SLC9A9: variants seen among roughly 807,000 people sequenced by gnomAD.
SLC9A9 encodes the protein sodium/hydrogen exchanger 9.
In SLC9A9, 62 loss-of-function variants were observed where a neutral mutation model predicts 77.8. That is an observed-to-expected ratio of 0.80 (90% CI 0.65 to 0.98). SLC9A9 has a LOEUF of 0.98. SLC9A9 is among the 50% of genes least tolerant of loss of function. The pLI is 0.00. For synonymous variants in SLC9A9, 320 were observed against 283.5 expected (o/e 1.13, Z -1.29); for missense variants, 775 against 774.9 (o/e 1.00, Z 0.00).
chr3:143,295,476 A>C (rs527584824), intron 14 of SLC9A9, among the ~76,000 whole-genome samples: 1 of 152,288 alleles, frequency 6.6e-6, no homozygotes, highest in African/African-American at 2.4e-5. Flanking sequence ...TCTGAACCTG[A>C]TTCCTCTTTT....
At chr3:143,513,991 C>T (rs1365903929) in intron 9 of SLC9A9, among the ~76,000 whole-genome samples, 1 of 151,936 alleles carries the variant, frequency 6.6e-6, no homozygotes, top group African/African-American at 2.4e-5. Context: ...GCTATCCCTC[C>T]CCCGTCCCCC....
At chr3:143,318,842 G>A (rs2108444211) in intron 14 of SLC9A9, among the ~76,000 whole-genome samples, 1 of 152,296 alleles carries the variant, frequency 6.6e-6, no homozygotes, top group African/African-American at 2.4e-5. Flanking sequence ...GATGAGAGAT[G>A]CTAAAATTAA....
Position 143,617,152 on chromosome 3 carries a change from G to C in SLC9A9, c.755+35103C>G, listed in dbSNP as rs372211579. ...GAGGAAATGCCATTTTGGGTAAAGG[G>C]ATAGAATCTATCATCACGTGGAGTC... On this transcript the variant is annotated intron_variant, in intron 6 of 15. Transcript: ENST00000316549. Among the ~76,000 whole-genome samples the C allele has an allele frequency of 1.4e-4, 22 of 152,302 alleles. No individual in the cohort carries two copies. The South Asian group carries it at 4.6e-3, about 32-fold the overall frequency.
At position 143,337,591 on chromosome 3, in the gene SLC9A9, G is replaced by A. The variant is rs188279621; in HGVS notation, c.1604+25893C>T. Among the ~76,000 whole-genome samples, 56 of 152,304 alleles carry A rather than the reference G, an allele frequency of 3.7e-4. 2 individuals are homozygous for A. Among genetic ancestry groups the A allele is most frequent in the African/African-American group, 1.3e-3 (53 of 41,552 alleles). Reference sequence around the variant, plus strand: ...CTGCTGTAGCAGAATCCCCTGGGACGCTGGAGAAACATATGGCTCCCTTGG... The same window carrying A: ...CTGCTGTAGCAGAATCCCCTGGGACACTGGAGAAACATATGGCTCCCTTGG... On this transcript the variant is annotated intron_variant, in intron 14 of 15. Transcript: ENST00000316549.
intron 9 of SLC9A9, among the ~76,000 whole-genome samples, chr3:143,543,968 A>G (rs2036738662): frequency 6.6e-6 from 1 of 152,226 alleles, no homozygotes; most frequent in Non-Finnish European, 1.5e-5. Flanking sequence ...ACTGCTTTCC[A>G]TGGTGGCTGA....
At chr3:143,494,164 T>G (rs1275852960) in intron 10 of SLC9A9, among the ~76,000 whole-genome samples, 1 of 152,236 alleles carries the variant, frequency 6.6e-6, no homozygotes, top group Non-Finnish European at 1.5e-5. Flanking sequence ...TCTGTTCATG[T>G]TTACCATCTT....
intron 6 of SLC9A9, among the ~76,000 whole-genome samples, chr3:143,579,159 C>T (rs1053006263): frequency 2.0e-5 from 3 of 152,058 alleles, no homozygotes; most frequent in African/African-American, 4.8e-5. Flanking sequence ...TACAAATCAC[C>T]GTGTGCACAA....
intron 12 of SLC9A9, among the ~76,000 whole-genome samples, chr3:143,397,235 C>T (rs1261363910): frequency 6.6e-6 from 1 of 152,196 alleles, no homozygotes; most frequent in East Asian, 1.9e-4. Flanking sequence ...GCCTTTCTTC[C>T]CTAAGGCTTC....
chr3:143,428,012 A>G (rs1242376682), intron 12 of SLC9A9, among the ~76,000 whole-genome samples: 1 of 152,220 alleles, frequency 6.6e-6, no homozygotes, highest in African/African-American at 2.4e-5. Flanking sequence ...GAAATGCTTC[A>G]TGAAATTGAG....
chr3:143,347,298 G>A (rs1401133563), intron 14 of SLC9A9, among the ~76,000 whole-genome samples: 3 of 152,200 alleles, frequency 2.0e-5, no homozygotes, highest in Admixed American at 1.3e-4. Flanking sequence ...CTTATGTAGA[G>A]TTTAATCAGA....
chr3:143,640,784 G>A (rs557441611), intron 6 of SLC9A9, among the ~76,000 whole-genome samples: 3 of 152,270 alleles, frequency 2.0e-5, no homozygotes, highest in African/African-American at 7.2e-5. Context: ...CCTGGGAGGT[G>A]TAGGTTGCAG....
chr3:143,274,444 T>C (rs985693558), intron 14 of SLC9A9, among the ~76,000 whole-genome samples: 3 of 152,212 alleles, frequency 2.0e-5, no homozygotes, highest in African/African-American at 7.2e-5. Flanking sequence ...TGCTACATAC[T>C]GTGGGGTGCT....
At chr3:143,399,538 A>G (rs1033268848) in intron 12 of SLC9A9, among the ~76,000 whole-genome samples, 21 of 152,204 alleles carry the variant, frequency 1.4e-4, no homozygotes, top group Non-Finnish European at 2.8e-4. Context: ...GTCTTAGAGC[A>G]GAAGAGAAAG....
chr3:143,718,883 T>C (rs114790065), intron 4 of SLC9A9, among the ~76,000 whole-genome samples: 5,232 of 152,328 alleles, frequency 0.034, 293 homozygotes, highest in African/African-American at 0.12. Context: ...ACTCGGAGTT[T>C]AGCTCTAAGC....
At chr3:143,387,784 T>TAAA (rs34211120) in intron 12 of SLC9A9, among the ~76,000 whole-genome samples, 15,068 of 147,154 alleles carry the variant, frequency 0.1, 1,221 homozygotes, top group East Asian at 0.25. Context: ...CAACCATAGT[T>TAAA]AAAAAAAAAA....
intron 11 of SLC9A9, among the ~76,000 whole-genome samples, chr3:143,477,330 ATTTTTTTT>A (rs59195338): frequency 1.0e-5 from 1 of 100,012 alleles, no homozygotes; most frequent in African/African-American, 3.8e-5. Flanking sequence ...GGCTTCTTCA[ATTTTTTTT>A]TTTTTTTTTC....
chr3:143,545,039 T>C (rs1480270025), intron 9 of SLC9A9, among the ~76,000 whole-genome samples: 1 of 152,222 alleles, frequency 6.6e-6, no homozygotes, highest in African/African-American at 2.4e-5. Context: ...TGTCCATTTT[T>C]GTACTGGTAC....
At chr3:143,753,391 C>A (rs893952000) in intron 4 of SLC9A9, among the ~76,000 whole-genome samples, 1 of 152,166 alleles carries the variant, frequency 6.6e-6, no homozygotes, top group African/African-American at 2.4e-5. Flanking sequence ...TTTCCCCATC[C>A]CCTATTTTTG....
chr3:143,699,255 G>A (rs894398073), intron 4 of SLC9A9, among the ~76,000 whole-genome samples: 3 of 152,030 alleles, frequency 2.0e-5, no homozygotes, highest in South Asian at 2.1e-4. Context: ...TGAGATAGAG[G>A]TAGAGCAAGA....
Sources: gnomAD v4.1 joint callset for allele counts (sites outside exome capture counted in the v4.1 genomes callset) on GRCh38, gnomAD v4.1.1 for gene constraint, MANE v1.5 for transcripts, NCBI Gene and HGNC (gene_info 2026-07-23, HGNC 2026-07-21) for gene names.